The following FRMD4B variants were observed in gnomAD, a reference collection of about 807,000 sequenced individuals.
The protein encoded by FRMD4B is FERM domain-containing protein 4B.
FRMD4B carries 74 observed loss-of-function variants against 141.5 expected under a neutral mutation model. The ratio of observed to expected loss-of-function variants is 0.52; its 90% confidence interval spans 0.43 to 0.63. FRMD4B has a LOEUF of 0.63. Among genes scored for constraint, FRMD4B ranks in the 30% least tolerant of loss-of-function variants. FRMD4B has a pLI of 0.00. For synonymous variants in FRMD4B, 506 were observed against 467.9 expected (o/e 1.08, Z -1.05); for missense variants, 1,366 against 1,253.4 (o/e 1.09, Z -1.36).
intron 1 of FRMD4B, among the ~76,000 whole-genome samples, chr3:69,455,702 A>G (rs919423476): frequency 6.6e-6 from 1 of 152,256 alleles, no homozygotes; most frequent in African/African-American, 2.4e-5. Flanking sequence ...GGTGACCCCA[A>G]GTGTGGCTAG....
chr3:69,501,877 T>C (rs1706503128), intron 1 of FRMD4B, among the ~76,000 whole-genome samples: 1 of 152,154 alleles, frequency 6.6e-6, no homozygotes, highest in Non-Finnish European at 1.5e-5. Flanking sequence ...AGTATTCTTA[T>C]ACACCAAAAA....
Position 69,540,586 on chromosome 3 carries a change from C to T in FRMD4B, c.-129+1620G>A, listed in dbSNP as rs1161286213. Among the ~76,000 whole-genome samples the T allele has an allele frequency of 6.5e-5, 8 of 122,880 alleles. No homozygotes were observed. The Admixed American group carries it at 8.2e-4, about 13-fold the overall frequency. The allele number at this position is 122,880 out of a possible 152,430, so 80.6% of individuals were successfully genotyped here. On this transcript the variant is annotated intron_variant, in intron 1 of 5. Coordinates refer to the FRMD4B transcript ENST00000459638. ...CCGAGATCGGCCACTGCATTCTAGC[C>T]TGGGCGACAGAGTGAGACTCTGTCT...
At chr3:69,502,152 GA>G (rs1162378267) in intron 1 of FRMD4B, among the ~76,000 whole-genome samples, 1 of 152,078 alleles carries the variant, frequency 6.6e-6, no homozygotes, top group Non-Finnish European at 1.5e-5. Context: ...AGCTACCAAT[GA>G]CTTTCTTCAC....
At chr3:69,418,024 A>C (rs1228036109) in intron 2 of FRMD4B, among the ~76,000 whole-genome samples, 1 of 152,026 alleles carries the variant, frequency 6.6e-6, no homozygotes, top group Non-Finnish European at 1.5e-5. Context: ...AAGGGCCCAT[A>C]CAGATAATCT....
At chr3:69,238,482 C>T (rs974892201) in intron 7 of FRMD4B, among the ~76,000 whole-genome samples, 1 of 152,172 alleles carries the variant, frequency 6.6e-6, no homozygotes, top group Non-Finnish European at 1.5e-5. Context: ...TGCCTATGTT[C>T]AATAAATGTG....
At chr3:69,251,510 C>T (rs1406043842) in intron 5 of FRMD4B, among the ~76,000 whole-genome samples, 2 of 152,234 alleles carry the variant, frequency 1.3e-5, no homozygotes, top group Middle Eastern at 3.4e-3. Flanking sequence ...ATAAAAACCC[C>T]AGGGTGTTAC....
intron 22 of FRMD4B, among the ~76,000 whole-genome samples, chr3:69,172,311 TA>T (rs2092596828): frequency 6.6e-6 from 1 of 152,184 alleles, no homozygotes. Flanking sequence ...ACTTGTCTAG[TA>T]AAAAAGATTA....
intron 13 of FRMD4B, 173 bp downstream of exon 13, chr3:69,196,727 A>G: frequency 1.6e-6 from 1 of 607,348 alleles, no homozygotes; most frequent in South Asian, 2.1e-5. Flanking sequence ...AAAGCAGCTT[A>G]TATATTGCCC....
intron 1 of FRMD4B, among the ~76,000 whole-genome samples, chr3:69,360,629 C>G (rs1703446294): frequency 6.6e-6 from 1 of 152,154 alleles, no homozygotes; most frequent in South Asian, 2.1e-4. Flanking sequence ...AGAAACTAGG[C>G]TGTTTATCCT....
chr3:69,223,725 G>A (rs528125075), intron 8 of FRMD4B, among the ~76,000 whole-genome samples: 36 of 152,026 alleles, frequency 2.4e-4, no homozygotes, highest in African/African-American at 9.7e-5. Context: ...TGTAATCCTT[G>A]CTACTCGGGA....
rs577384759 is a variant in FRMD4B, at chr3:69,421,246, G to A, written c.-1+11388C>T. Among the ~76,000 whole-genome samples, 5 of 152,318 alleles carry A rather than the reference G, an allele frequency of 3.3e-5. No individual in the cohort carries two copies. The East Asian group carries it at 9.6e-4, about 29-fold the overall frequency. Reference sequence around the variant, plus strand: ...TATACCAGCCAGGCCCTTGAATTCTGGTGCCAGCTCTAGTATTAATTACCG... The same window carrying A: ...TATACCAGCCAGGCCCTTGAATTCTAGTGCCAGCTCTAGTATTAATTACCG... On this transcript the variant is annotated intron_variant, in intron 2 of 5. Transcript: ENST00000459638.
chr3:69,345,127 C>A (rs1234406695), intron 1 of FRMD4B, among the ~76,000 whole-genome samples: 3 of 152,186 alleles, frequency 2.0e-5, no homozygotes, highest in Admixed American at 6.5e-5. Context: ...AAAATCAGGT[C>A]ACTCCCACCC....
intron 5 of FRMD4B, among the ~76,000 whole-genome samples, chr3:69,264,922 T>G (rs2093550976): frequency 6.6e-6 from 1 of 152,068 alleles, no homozygotes; most frequent in Non-Finnish European, 1.5e-5. Flanking sequence ...AAGTTTGTCA[T>G]ATGTGAATTA....
chr3:69,287,963 G>T, intron 4 of FRMD4B, 127 bp from the exon 5 acceptor site: 1 of 585,906 alleles, frequency 1.7e-6, no homozygotes, highest in Admixed American at 3.2e-5. Context: ...TTTCTTTTCC[G>T]TTTTAAAAGA....
chr3:69,398,498 C>G (rs183318830), intron 2 of FRMD4B, among the ~76,000 whole-genome samples: 1 of 152,324 alleles, frequency 6.6e-6, no homozygotes, highest in South Asian at 2.1e-4. Flanking sequence ...ATGCATTGCT[C>G]TTATCTAGCT....
intron 5 of FRMD4B, among the ~76,000 whole-genome samples, chr3:69,280,936 C>T (rs1224227583): frequency 4.7e-5 from 7 of 150,474 alleles, no homozygotes; most frequent in Non-Finnish European, 1.0e-4. Flanking sequence ...TCTTCTTCTT[C>T]TTTTTTTTTG....
At chr3:69,235,723 G>A (rs762553964) in intron 7 of FRMD4B, among the ~76,000 whole-genome samples, 2 of 152,004 alleles carry the variant, frequency 1.3e-5, no homozygotes, top group Admixed American at 1.3e-4. Flanking sequence ...TCTTTCACTG[G>A]GTATTACCAG....
chr3:69,501,206 A>G (rs779703541), intron 1 of FRMD4B, among the ~76,000 whole-genome samples: 3 of 149,282 alleles, frequency 2.0e-5, no homozygotes, highest in Admixed American at 6.7e-5. Flanking sequence ...CTAAAACACT[A>G]TAAGGTTTAT....
chr3:69,171,975 G>T lies in FRMD4B; in HGVS notation c.2991C>A (p.Tyr997Ter). 6.2e-7 allele frequency: 1 copy of T among 1,612,998 alleles called. No individual in the cohort carries two copies. The highest frequency in any genetic ancestry group is 8.5e-7 in the Non-Finnish European group (1 of 1,179,128). ...YNPLPSPSRQYTEISQLDGTD... is the reference protein window; with the variant it reads ...YNPLPSPSRQ The stretch of plus-strand genomic sequence containing the variant: ...TACCATCCAGTTGACTGATTTCTGT[G>T]TATTGTCTATTAAAGAAAACCAGAA... Residue 997 changes from tyrosine (Y) to a stop codon, truncating the protein, a stop_gained, in exon 23 of 23, where the codon TAC becomes TAA. Transcript: ENST00000398540. LOFTEE classifies it high-confidence loss of function.
Sources: allele counts gnomAD v4.1 joint callset (sites outside exome capture counted in the v4.1 genomes callset), GRCh38; gene constraint gnomAD v4.1.1; transcripts MANE v1.5; gene names NCBI Gene and HGNC (gene_info 2026-07-23, HGNC 2026-07-21).